Variants in PTCH1 observed in about 807,000 individuals in gnomAD.
The protein encoded by PTCH1 is protein patched homolog 1.
In PTCH1, 14 loss-of-function variants were observed where a neutral mutation model predicts 144.6. The observed-to-expected ratio is 0.10, with a 90% CI of 0.06 to 0.15. The LOEUF (loss-of-function observed/expected upper bound fraction) is 0.15, where lower values mean the gene tolerates loss of function less well. Among genes scored for constraint, PTCH1 ranks in the 10% least tolerant of loss-of-function variants. PTCH1 has a pLI of 1.00. For missense variants in PTCH1, 1,623 were observed against 1,948.3 expected (o/e 0.83, Z 3.14); for synonymous variants, 833 against 793.6 (o/e 1.05, Z -0.83).
At chr9:95,467,029 TA>T in intron 15 of PTCH1, 86 bp downstream of exon 15, 1 of 1,419,930 alleles carries the variant, frequency 7.0e-7, no homozygotes, top group Non-Finnish European at 9.8e-7. Flanking sequence ...CATTCTAATC[TA>T]ACGCTCTCAT....
At chr9:95,459,970 G>C in intron 16 of PTCH1, 187 bp from the exon 17 acceptor site, 1 of 676,696 alleles carries the variant, frequency 1.5e-6, no homozygotes, top group East Asian at 2.8e-5. Context: ...ATCGGAGGAT[G>C]CAATCACTGG....
rs751977093 is a variant in PTCH1, at chr9:95,508,247, G to GC, written c.114dup (p.Leu39AlafsTer51). ...CGGTCCGGCGCGGCAGCACGGCGCA[G>GC]CCCCCCCGTCCGTCTGCGCCTCCCG... On this transcript the variant is annotated frameshift_variant, in exon 1 of 24. Coordinates refer to ENST00000331920, the MANE Select transcript of PTCH1 (RefSeq NM_000264.5). LOFTEE classifies it high-confidence loss of function. 1.9e-6 allele frequency: 3 copies of GC among 1,604,532 alleles called. No homozygotes were observed. Among genetic ancestry groups the GC allele is most frequent in the Non-Finnish European group, 8.5e-7 (1 of 1,177,528 alleles).
Position 95,469,028 on chromosome 9 carries a change from A to G in PTCH1, c.1973T>C (p.Met658Thr), listed in dbSNP as rs1588575145. 6.2e-7 allele frequency: 1 copy of G among 1,613,884 alleles called. No homozygotes were observed. The highest frequency in any genetic ancestry group is 1.7e-5 in the Admixed American group (1 of 59,994). Residue 658 changes from methionine to threonine, a missense_variant, in exon 14 of 24, where the codon ATG (methionine) becomes ACG (threonine). Met to Thr is a moderately conservative substitution (Grantham distance 81). Around this residue, in one of 7 missense-constraint regions of PTCH1, gnomAD observed 179 missense variants for 165.7 expected, o/e 1.08. Coordinates refer to ENST00000331920, the MANE Select transcript of PTCH1 (RefSeq NM_000264.5). ...CGTGCGGAGCTGGACAGTGGACTGC[A>G]TGGTAATCTGCGTTTCATGGGCAAA... Reference protein sequence around the residue: ...HSFAHETQITMQSTVQLRTEY... With the variant: ...HSFAHETQITTQSTVQLRTEY...
chr9:95,474,200 GAT>G (rs1416247811), intron 12 of PTCH1: 2 of 354,360 alleles, frequency 5.6e-6, no homozygotes, highest in East Asian at 1.5e-4. Flanking sequence ...AGTATGAGCA[GAT>G]ACAGAAAGAC....
intron 2 of PTCH1, among the ~76,000 whole-genome samples, chr9:95,506,017 G>C (rs1843578695): frequency 6.8e-6 from 1 of 148,022 alleles, no homozygotes. Context: ...GGGGAGAGAA[G>C]AAAGCCGGGC....
rs781475120 is a variant in PTCH1 at position 95,468,853 on chromosome 9, G to A, written c.2148C>T (p.Ser716=). Residue 716 remains serine, a synonymous_variant, in exon 14 of 24, where the codon TCC becomes TCT. Transcript: ENST00000331920. ...GCTCGAGGCAGTGGAGGCTGGAGTC[G>A]GAGAACTGGGAGAGCAGGTCCCTTG... is the stretch of plus-strand genomic sequence containing the variant. ...SSTRDLLSQF[S]DSSLHCLEPP... 2.7e-5 allele frequency: 43 copies of A among 1,614,056 alleles called. No homozygotes were observed. The African/African-American group carries it at 2.8e-4, about 11-fold the overall frequency.
chr9:95,495,754 G>T (rs1256042905), intron 2 of PTCH1, among the ~76,000 whole-genome samples: 1 of 146,510 alleles, frequency 6.8e-6, no homozygotes, highest in South Asian at 2.1e-4. Flanking sequence ...GGAATGGTGT[G>T]GGGGGTAAAA....
In PTCH1 at chr9:95,508,590, C is replaced by T. The variant is rs960101997; in HGVS notation, c.-229G>A. On this transcript the variant is annotated 5_prime_UTR_variant, in exon 1 of 24. Coordinates refer to ENST00000331920, the MANE Select transcript of PTCH1 (RefSeq NM_000264.5). ...CGCGGCCGCTGCCGGGGAGTCAGACCCTGCGCCTTCCATTGCCACATTGCG... is the reference window on the plus strand; with the variant it reads ...CGCGGCCGCTGCCGGGGAGTCAGACTCTGCGCCTTCCATTGCCACATTGCG... 1 of 997,520 alleles carries T rather than the reference C, an allele frequency of 1.0e-6. No homozygotes were observed. Among genetic ancestry groups the T allele is most frequent in the African/African-American group, 1.7e-5 (1 of 57,346 alleles). The allele number at this position is 997,520 out of a possible 1,614,324, so 61.8% of individuals were successfully genotyped here. A position where few individuals can be genotyped will look rare whatever the true frequency, so the allele number is the denominator to read the frequency against.
In PTCH1 at chr9:95,458,274, G is replaced by A. The variant is rs748318700; in HGVS notation, c.2907C>T (p.Ile969=). 5 of 1,613,898 alleles carry A rather than the reference G, an allele frequency of 3.1e-6. No homozygotes were observed. Among genetic ancestry groups the A allele is most frequent in the Non-Finnish European group, 4.2e-6 (5 of 1,180,002 alleles). The change falls in exon 18 of 24, where the codon ATC becomes ATT. Residue 969 remains isoleucine, a synonymous_variant. Coordinates refer to ENST00000331920, the MANE Select transcript of PTCH1 (RefSeq NM_000264.5). This position sits in a 1 kb window ranked among gnomAD's most constrained non-coding sequence, Gnocchi z 4.7. ...GGTAGAAAGGGAACTGGGCATACTC[G>A]ATGGGCTCTGCTGCCGGGACTGGAC... The part of the protein sequence containing the change: ...TRLRIPAAEP[I]EYAQFPFYLN...
rs1308386114 is a variant in PTCH1 at position 95,445,422 on chromosome 9, C to T, written c.*971G>A. ...AGCACTAGGCATGTCACCGAATTCT[C>T]TAACACCCACCATGATGAACTGATG... On this transcript the variant is annotated 3_prime_UTR_variant, in exon 24 of 24. Coordinates refer to ENST00000331920, the MANE Select transcript of PTCH1 (RefSeq NM_000264.5). 6.6e-6 allele frequency: 1 copy of T among 152,154 alleles called. No homozygotes were observed. 9.4% of individuals were successfully genotyped at this position (152,154 alleles called of 1,614,324 possible).
At chr9:95,496,972 G>A (rs190891706) in intron 2 of PTCH1, among the ~76,000 whole-genome samples, 51 of 152,236 alleles carry the variant, frequency 3.4e-4, no homozygotes, top group South Asian at 2.5e-3. Flanking sequence ...AAAAAACAGC[G>A]GTGGGAGGAG....
At position 95,444,488 on chromosome 9, in the gene PTCH1, GAC is replaced by G. The variant is rs531572088; in HGVS notation, c.*1903_*1904del. On this transcript the variant is annotated 3_prime_UTR_variant, in exon 24 of 24. Transcript: ENST00000331920. The stretch of plus-strand genomic sequence containing the variant: ...GGGGGTGGCCAGGGTCCCCAGCAGA[GAC>G]ACACACACACGCACGCACGCACACA... 34 of 152,134 alleles carry G rather than the reference GAC, an allele frequency of 2.2e-4. No homozygotes were observed. The highest frequency in any genetic ancestry group is 1.4e-3 in the South Asian group (7 of 5,118). 9.4% of individuals were successfully genotyped at this position (152,134 alleles called of 1,614,324 possible).
At chr9:95,490,689 A>G (rs1005382193) in intron 2 of PTCH1, among the ~76,000 whole-genome samples, 1 of 152,100 alleles carries the variant, frequency 6.6e-6, no homozygotes, top group African/African-American at 2.4e-5. Context: ...GGACTTAGAG[A>G]GTAGAATGAG....
At chr9:95,498,228 T>C (rs372909652) in intron 2 of PTCH1, among the ~76,000 whole-genome samples, 4 of 152,228 alleles carry the variant, frequency 2.6e-5, no homozygotes, top group East Asian at 3.8e-4. Flanking sequence ...TAAATAAAGC[T>C]TGCGCTGTGG....
chr9:95,506,699 T>TG, intron 1 of PTCH1, 100 bp from the exon 2 acceptor site: 1 of 1,045,760 alleles, frequency 9.6e-7, no homozygotes, highest in Non-Finnish European at 1.2e-6. Flanking sequence ...CCAACAGCCG[T>TG]GGGGGCGCGG....
Position 95,468,780 on chromosome 9 carries a change from C to G in PTCH1, c.2221G>C (p.Ala741Pro), listed in dbSNP as rs774077315. 6.2e-7 allele frequency: 1 copy of G among 1,614,140 alleles called. No individual in the cohort carries two copies. ...TLSSFAEKHY[A>P]PFLLKPKAKV... ...GCTTTTGGTTTCAAGAGGAAAGGAG[C>G]ATAGTGCTTCTCAGCAAAAGATGAG... Residue 741 changes from alanine (A) to proline (P), a missense_variant, in exon 14 of 24, where the codon GCT becomes CCT. Physicochemically the swap from Ala to Pro is conservative, Grantham distance 27. Coordinates refer to ENST00000331920, the MANE Select transcript of PTCH1 (RefSeq NM_000264.5).
At chr9:95,509,267 G>A (rs1212904197), upstream of PTCH1, among the ~76,000 whole-genome samples, 1 of 151,890 alleles carries the variant, frequency 6.6e-6, no homozygotes, top group Non-Finnish European at 1.5e-5. Flanking sequence ...GGGAGGGGGT[G>A]GAGGGGGAGA....
At chr9:95,490,290 C>G (rs1462754328) in intron 2 of PTCH1, among the ~76,000 whole-genome samples, 1 of 151,444 alleles carries the variant, frequency 6.6e-6, no homozygotes, top group Admixed American at 6.6e-5. Flanking sequence ...CTGGGCAACA[C>G]AGATAAACGT....
exon 1 of PTCH1, chr9:95,516,490 G>C: frequency 6.5e-7 from 1 of 1,534,622 alleles, no homozygotes; most frequent in Non-Finnish European, 8.7e-7. Flanking sequence ...GTCAACCCCT[G>C]CTCGGAGCGC....
Sources: gnomAD v4.1 joint callset for allele counts (sites outside exome capture counted in the v4.1 genomes callset) on GRCh38, gnomAD v4.1.1 for gene constraint, gnomAD v4.1.1 regional missense constraint, Gnocchi (gnomAD v3.1) non-coding constraint, MANE v1.5 for transcripts, NCBI Gene and HGNC (gene_info 2026-07-23, HGNC 2026-07-21) for gene names.